Variants in NTM observed in about 807,000 individuals in gnomAD.
NTM encodes neurotrimin.
A neutral mutation model predicts 42.1 loss-of-function variants in NTM; 13 were observed. The ratio of observed to expected loss-of-function variants is 0.31; its 90% CI spans 0.20 to 0.49. NTM has a LOEUF of 0.49. Among genes scored for constraint, NTM ranks in the 20% least tolerant of loss-of-function variants. The pLI, the probability that NTM is intolerant of heterozygous loss-of-function variation, is 0.99. For missense variants in NTM, 373 were observed against 452.8 expected, an observed-to-expected ratio of 0.82 and a Z score of 1.60; for synonymous variants, 187 against 179.2, an observed-to-expected ratio of 1.04 and a Z score of -0.35.
At chr11:131,590,146 C>G (rs1190825572) in intron 1 of NTM, among the ~76,000 whole-genome samples, 2 of 152,170 alleles carry the variant, frequency 1.3e-5, no homozygotes, top group South Asian at 2.1e-4. Flanking sequence ...GAGGCTCATT[C>G]TCATGGAGAC....
chr11:132,141,296 T>G (rs1242237632), intron 2 of NTM, among the ~76,000 whole-genome samples: 6 of 151,932 alleles, frequency 3.9e-5, no homozygotes, highest in African/African-American at 9.7e-5. Context: ...CTCTTTCTCT[T>G]TTCTCATCCT....
intron 1 of NTM, chr11:131,910,991 G>C: frequency 1.0e-6 from 1 of 998,442 alleles, no homozygotes; most frequent in Non-Finnish European, 1.2e-6. Context: ...CCGGTGGCGA[G>C]CCCGGCTCCG....
chr11:132,311,387 A>AGTGAGAT (rs1419403027), intron 6 of NTM, among the ~76,000 whole-genome samples: 1 of 152,162 alleles, frequency 6.6e-6, no homozygotes, highest in Non-Finnish European at 1.5e-5. Flanking sequence ...GGCAGCTTCT[A>AGTGAGAT]GTGAGATGTA....
intron 4 of NTM, among the ~76,000 whole-genome samples, chr11:132,265,831 T>G (rs1459867860): frequency 6.6e-6 from 1 of 152,118 alleles, no homozygotes; most frequent in Non-Finnish European, 1.5e-5. Flanking sequence ...GTTTTATAGA[T>G]GAGAAAACTG....
At chr11:131,970,511 C>T (rs979397773) in intron 2 of NTM, among the ~76,000 whole-genome samples, 6 of 152,218 alleles carry the variant, frequency 3.9e-5, no homozygotes, top group African/African-American at 1.2e-4. Context: ...CACATCTGCT[C>T]CCCATTCCTT....
intron 3 of NTM, among the ~76,000 whole-genome samples, chr11:132,178,124 T>A (rs1431493190): frequency 1.3e-5 from 2 of 152,172 alleles, no homozygotes; most frequent in African/African-American, 4.8e-5. Flanking sequence ...GATAGACGTC[T>A]TAGATAACGT....
intron 2 of NTM, among the ~76,000 whole-genome samples, chr11:132,134,055 C>A (rs7104502): frequency 0.6 from 91,621 of 152,062 alleles, 28,442 homozygotes; most frequent in Middle Eastern, 0.7. Context: ...CACTCTGTAG[C>A]TGGGACTATA....
At chr11:131,901,359 C>T (rs560029142) in intron 1 of NTM, among the ~76,000 whole-genome samples, 42 of 152,290 alleles carry the variant, frequency 2.8e-4, no homozygotes, top group African/African-American at 9.9e-4. Flanking sequence ...TTTATTTTTT[C>T]TAAAGTATCT....
chr11:132,314,995 A>AAAAAG (rs1231143035), intron 7 of NTM: 3 of 1,168,688 alleles, frequency 2.6e-6, no homozygotes. Context: ...AAGGAAAATG[A>AAAAAG]AAAAGAATGT....
chr11:132,257,086 A>C (rs1271947385), intron 4 of NTM, among the ~76,000 whole-genome samples: 2 of 152,216 alleles, frequency 1.3e-5, no homozygotes, highest in Non-Finnish European at 2.9e-5. Context: ...ATTAAATCAA[A>C]GCGCGCTCTG....
chr11:131,410,574 G>A (rs1228172519), intron 1 of NTM, among the ~76,000 whole-genome samples: 1 of 150,534 alleles, frequency 6.6e-6, no homozygotes, highest in African/African-American at 2.4e-5. Flanking sequence ...CATTTCGGTG[G>A]GCCATGTCTG....
chr11:131,659,058 G>T (rs1287852141), intron 1 of NTM, among the ~76,000 whole-genome samples: 2 of 152,184 alleles, frequency 1.3e-5, no homozygotes, highest in Middle Eastern at 3.2e-3. Context: ...AGATACTAAA[G>T]ATAGAAAAGA....
chr11:131,546,156 G>T (rs112118250), intron 1 of NTM, among the ~76,000 whole-genome samples: 3,805 of 152,266 alleles, frequency 0.025, 58 homozygotes, highest in Non-Finnish European at 0.037. Context: ...GATAGGAAAG[G>T]TTTGAAGCGG....
intron 3 of NTM, among the ~76,000 whole-genome samples, chr11:132,162,634 TG>T: frequency 6.7e-6 from 1 of 149,970 alleles, no homozygotes; most frequent in African/African-American, 2.5e-5. Flanking sequence ...TGTGTATGTG[TG>T]TGGGGCATGT....
At chr11:131,792,165 T>A (rs1318258421) in intron 1 of NTM, among the ~76,000 whole-genome samples, 1 of 152,046 alleles carries the variant, frequency 6.6e-6, no homozygotes, top group Non-Finnish European at 1.5e-5. Context: ...CAGCATATCC[T>A]AGCAAAAATA....
At chr11:131,839,957 T>C (rs532902211) in intron 1 of NTM, among the ~76,000 whole-genome samples, 1 of 152,314 alleles carries the variant, frequency 6.6e-6, no homozygotes, top group Non-Finnish European at 1.5e-5. Context: ...GCAGCAGATC[T>C]GACTACAAGC....
At chr11:131,890,158 C>CTG (rs1555167721) in intron 1 of NTM, among the ~76,000 whole-genome samples, 4 of 58,858 alleles carry the variant, frequency 6.8e-5, no homozygotes, top group African/African-American at 1.4e-4. Context: ...CTCTCTCTGT[C>CTG]TCTCTCTCTC....
intron 1 of NTM, among the ~76,000 whole-genome samples, chr11:131,560,933 C>T (rs1401320689): frequency 6.6e-6 from 1 of 152,162 alleles, no homozygotes; most frequent in African/African-American, 2.4e-5. Flanking sequence ...TCTGTCTTTC[C>T]CATGCCCCCA....
intron 3 of NTM, among the ~76,000 whole-genome samples, chr11:132,191,387 G>T (rs1381911686): frequency 6.6e-6 from 1 of 152,188 alleles, no homozygotes; most frequent in African/African-American, 2.4e-5. Flanking sequence ...GCCCAACAGG[G>T]TTAGAGCACA....
Sources: gnomAD v4.1 joint callset for allele counts (sites outside exome capture counted in the v4.1 genomes callset) on GRCh38, gnomAD v4.1.1 for gene constraint, MANE v1.5 for transcripts, NCBI Gene and HGNC (gene_info 2026-07-23, HGNC 2026-07-21) for gene names.